The following ATIC variants were observed in gnomAD, a reference collection of about 807,000 sequenced individuals.
The protein encoded by ATIC is bifunctional purine biosynthesis protein ATIC.
ATIC carries 64 observed loss-of-function variants against 72.5 expected under a neutral mutation model. The ratio of observed to expected loss-of-function variants is 0.88; its 90% CI spans 0.72 to 1.09. The LOEUF (loss-of-function observed/expected upper bound fraction) is 1.09. Among genes scored for constraint, ATIC ranks in the 50% least tolerant of loss-of-function variants. ATIC has a pLI of 0.00. For synonymous variants in ATIC, 281 were observed against 267.1 expected, an observed-to-expected ratio of 1.05 and a Z score of -0.51; for missense variants, 787 against 732.4, an observed-to-expected ratio of 1.07 and a Z score of -0.86.
At chr2:215,362,721 G>A in the ATIC span, 6 of 153,774 alleles carry the variant, frequency 3.9e-5, no homozygotes, top group Non-Finnish European at 7.2e-5. Context: ...AGCCAGTGAG[G>A]CTCCTGCCTG....
At chr2:215,335,973 ATTTT>A in intron 10 of ATIC, 58 bp from the exon 11 acceptor site, 1 of 1,341,524 alleles carries the variant, frequency 7.5e-7, no homozygotes, top group Non-Finnish European at 1.1e-6. Context: ...TTGCTGCTAG[ATTTT>A]TTTAAGAGGT....
At chr2:215,326,168 T>C in intron 6 of ATIC, 30 bp downstream of exon 6, 3 of 1,613,200 alleles carry the variant, frequency 1.9e-6, no homozygotes, top group Non-Finnish European at 2.5e-6. Context: ...TATTGTAAGT[T>C]ACATCCATGG....
At chr2:215,351,714 A>G (rs1031457608), downstream of ATIC, among the ~76,000 whole-genome samples, 24 of 152,234 alleles carry the variant, frequency 1.6e-4, no homozygotes, top group Non-Finnish European at 3.1e-4. Context: ...ATTTACATCA[A>G]TACTCTACTG....
At chr2:215,316,602 AT>A (rs1201533928) in intron 2 of ATIC, among the ~76,000 whole-genome samples, 1 of 152,204 alleles carries the variant, frequency 6.6e-6, no homozygotes, top group Non-Finnish European at 1.5e-5. Context: ...ATTGTAGAAA[AT>A]TCGAAAATAT....
chr2:215,340,797 G>A (rs993255475), intron 12 of ATIC, among the ~76,000 whole-genome samples: 1 of 152,150 alleles, frequency 6.6e-6, no homozygotes, highest in African/African-American at 2.4e-5. Context: ...ACTGCCAAAA[G>A]TTGTGCTCAG....
At position 215,334,341 on chromosome 2, in the gene ATIC, G is replaced by A. The variant is rs570883251; in HGVS notation, c.923-578G>A. Among the ~76,000 whole-genome samples the A allele has an allele frequency of 4.6e-5, 7 of 151,604 alleles. No individual in the cohort carries two copies. The South Asian group carries it at 8.4e-4, about 18-fold the overall frequency. On this transcript the variant is annotated intron_variant, in intron 9 of 15. Transcript: ENST00000236959. ...CCTGAGTAGCTGGGATTACAGGTGCGTGCCACCACACCTGGCTAATTTTTT... is the reference window on the plus strand; with the variant it reads ...CCTGAGTAGCTGGGATTACAGGTGCATGCCACCACACCTGGCTAATTTTTT...
chr2:215,329,847 C>T (rs961663480), intron 7 of ATIC, among the ~76,000 whole-genome samples: 2 of 152,108 alleles, frequency 1.3e-5, no homozygotes, highest in South Asian at 2.1e-4. Context: ...ACCACAACCT[C>T]CGCCTCCCAG....
chr2:215,314,578 A>C (rs1575111807), intron 2 of ATIC, among the ~76,000 whole-genome samples: 1 of 151,666 alleles, frequency 6.6e-6, no homozygotes, highest in South Asian at 2.1e-4. Flanking sequence ...AGCTCACTGC[A>C]ACCTCTGCCT....
chr2:215,359,911 C>T, the ATIC span, among the ~76,000 whole-genome samples: 2 of 151,888 alleles, frequency 1.3e-5, no homozygotes, highest in Admixed American at 6.6e-5. Context: ...TTTCCATTTC[C>T]ACTATTTACT....
At chr2:215,343,509 A>C (rs1278686514) in intron 12 of ATIC, among the ~76,000 whole-genome samples, 1 of 151,848 alleles carries the variant, frequency 6.6e-6, no homozygotes, top group African/African-American at 2.4e-5. Flanking sequence ...GCAAATTTTT[A>C]TATTTTTAGT....
At chr2:215,323,657 T>C (rs755465857) in intron 4 of ATIC, among the ~76,000 whole-genome samples, 10 of 152,246 alleles carry the variant, frequency 6.6e-5, no homozygotes, top group African/African-American at 2.4e-4. Flanking sequence ...CAAATAGATA[T>C]AACTTCACTG....
chr2:215,314,665 A>AT lies in ATIC; in HGVS notation c.146+2048dup, dbSNP rs1313309588. Among the ~76,000 whole-genome samples, 6 of 151,798 alleles carry AT rather than the reference A, an allele frequency of 4.0e-5. No individual in the cohort carries two copies. In the South Asian group the frequency reaches 6.3e-4, roughly 16 times the overall value. On this transcript the variant is annotated intron_variant, in intron 2 of 15. Coordinates refer to ENST00000236959, the MANE Select transcript of ATIC (RefSeq NM_004044.7). ...AGGCGCCCGCCACCACGCCTGGCTA[A>AT]TTTTTTTGTATTTTTGGTAGAGACA... is the stretch of plus-strand genomic sequence containing the variant.
chr2:215,317,549 G>T (rs536238279), intron 2 of ATIC, among the ~76,000 whole-genome samples: 1 of 152,176 alleles, frequency 6.6e-6, no homozygotes, highest in South Asian at 2.1e-4. Flanking sequence ...GCAGTGGCAT[G>T]ATCTCGGCTC....
chr2:215,364,975 C>T, the ATIC span: 46 of 1,572,850 alleles, frequency 2.9e-5, no homozygotes, highest in East Asian at 9.1e-4. Flanking sequence ...CATCATAACA[C>T]GTTGCCTCAT....
intron 6 of ATIC, 130 bp downstream of exon 6, chr2:215,326,268 T>G (rs561072085): frequency 8.2e-7 from 1 of 1,216,414 alleles, no homozygotes; most frequent in African/African-American, 1.5e-5. Context: ...ATCCTTTTGT[T>G]AAAAATGGAG....
the ATIC span, chr2:215,364,654 A>G: frequency 1.7e-6 from 1 of 589,852 alleles, no homozygotes; most frequent in Non-Finnish European, 3.0e-6. Context: ...TCTACATGCC[A>G]TTCATTCATT....
At chr2:215,330,372 A>G (rs1475118598) in intron 7 of ATIC, among the ~76,000 whole-genome samples, 2 of 152,092 alleles carry the variant, frequency 1.3e-5, no homozygotes, top group African/African-American at 4.8e-5. Flanking sequence ...TTTTTAGAGT[A>G]GTTACAGGTT....
the ATIC span, chr2:215,363,484 C>T: frequency 2.6e-5 from 4 of 152,226 alleles, no homozygotes; most frequent in African/African-American, 9.6e-5. Flanking sequence ...CATGTAATCA[C>T]TGGGGGTGAA....
At chr2:215,339,174 C>T (rs2052989764) in intron 12 of ATIC, among the ~76,000 whole-genome samples, 1 of 152,178 alleles carries the variant, frequency 6.6e-6, no homozygotes, top group Non-Finnish European at 1.5e-5. Context: ...TAATCTGACT[C>T]CTGTAACTTG....
Sources: gnomAD v4.1 joint callset for allele counts (sites outside exome capture counted in the v4.1 genomes callset) on GRCh38, gnomAD v4.1.1 for gene constraint, MANE v1.5 for transcripts, NCBI Gene and HGNC (gene_info 2026-07-23, HGNC 2026-07-21) for gene names.